Variants in TRMT11 observed in about 807,000 individuals in gnomAD.
TRMT11 encodes the protein tRNA methyltransferase 11, also known as tRNA (guanine(10)-N(2))-methyltransferase TRMT11.
A neutral mutation model predicts 62.8 loss-of-function variants in TRMT11; 53 were observed. The ratio of observed to expected loss-of-function variants is 0.84; its 90% CI spans 0.68 to 1.06. TRMT11 has a LOEUF of 1.06. TRMT11 is among the 50% of genes least tolerant of loss of function. The pLI, the probability that TRMT11 is intolerant of heterozygous loss-of-function variation, is 0.00. For synonymous variants in TRMT11, 188 were observed against 190.3 expected, an observed-to-expected ratio of 0.99 and a Z score of 0.10; for missense variants, 556 against 553.4, an observed-to-expected ratio of 1.00 and a Z score of -0.05.
chr6:126,260,972 C>A, the TRMT11 span, among the ~76,000 whole-genome samples: 1 of 152,178 alleles, frequency 6.6e-6, no homozygotes, highest in Non-Finnish European at 1.5e-5. Flanking sequence ...TGTATATCTT[C>A]CAATATGTGG....
chr6:126,090,103 A>G (rs1368268431), intron 17 of TRMT11, among the ~76,000 whole-genome samples: 3 of 152,072 alleles, frequency 2.0e-5, no homozygotes, highest in Non-Finnish European at 4.4e-5. Context: ...TCTTTCCCTT[A>G]TTGAATTCTT....
the TRMT11 span, chr6:126,258,043 C>A: frequency 7.6e-7 from 1 of 1,312,478 alleles, no homozygotes; most frequent in Non-Finnish European, 1.1e-6. Flanking sequence ...GCAGCCTGGG[C>A]ATCCTCACTC....
the TRMT11 span, among the ~76,000 whole-genome samples, chr6:126,233,330 A>AT: frequency 6.6e-6 from 1 of 152,196 alleles, no homozygotes; most frequent in African/African-American, 2.4e-5. Context: ...GCTCTGGGAA[A>AT]TTACCAGGGC....
intron 17 of TRMT11, among the ~76,000 whole-genome samples, chr6:126,053,749 A>G (rs1776286614): frequency 6.6e-6 from 1 of 152,002 alleles, no homozygotes; most frequent in Non-Finnish European, 1.5e-5. Context: ...TTTCAATTAA[A>G]ATTGTCTTGT....
chr6:126,213,830 T>G, the TRMT11 span, among the ~76,000 whole-genome samples: 1 of 152,056 alleles, frequency 6.6e-6, no homozygotes, highest in Non-Finnish European at 1.5e-5. Context: ...TATTCCAGAT[T>G]TTAGAGAAAA....
the TRMT11 span, among the ~76,000 whole-genome samples, chr6:126,271,677 T>C: frequency 1.3e-5 from 2 of 152,164 alleles, no homozygotes; most frequent in Admixed American, 6.5e-5. Context: ...CATAAAACAT[T>C]GGGCATTCAG....
the TRMT11 span, among the ~76,000 whole-genome samples, chr6:126,230,550 G>T: frequency 2.0e-5 from 3 of 152,238 alleles, no homozygotes; most frequent in Admixed American, 1.3e-4. Flanking sequence ...TGTTCTCTAT[G>T]CATCTTATTT....
chr6:126,251,585 A>T, the TRMT11 span, among the ~76,000 whole-genome samples: 4 of 152,184 alleles, frequency 2.6e-5, no homozygotes, highest in Admixed American at 2.0e-4. Flanking sequence ...CCTCCTGTCA[A>T]ACTGAGATTT....
intron 21 of TRMT11, among the ~76,000 whole-genome samples, chr6:126,156,469 C>T (rs1778123063): frequency 6.6e-6 from 1 of 152,252 alleles, no homozygotes; most frequent in Admixed American, 6.5e-5. Context: ...TTCACTCCTG[C>T]AGTCTGTGCA....
chr6:126,118,589 G>A (rs1777615350), intron 21 of TRMT11, among the ~76,000 whole-genome samples: 1 of 152,046 alleles, frequency 6.6e-6, no homozygotes, highest in Non-Finnish European at 1.5e-5. Context: ...GGAGATGGAA[G>A]AATTTACTTT....
At chr6:126,145,329 T>C (rs1354581599) in intron 21 of TRMT11, among the ~76,000 whole-genome samples, 1 of 151,818 alleles carries the variant, frequency 6.6e-6, no homozygotes, top group African/African-American at 2.4e-5. Flanking sequence ...AGGAGGGAAG[T>C]AGAAAAAGAA....
intron 17 of TRMT11, among the ~76,000 whole-genome samples, chr6:126,092,953 C>T (rs1190619470): frequency 1.3e-5 from 2 of 152,138 alleles, no homozygotes. Flanking sequence ...GAATTCTTAG[C>T]TTATTTCAAT....
At chr6:126,207,108 T>A (rs563464089), downstream of TRMT11, among the ~76,000 whole-genome samples, 4 of 152,310 alleles carry the variant, frequency 2.6e-5, no homozygotes, top group South Asian at 8.3e-4. Flanking sequence ...TCGAATTGAA[T>A]GATTCTGGTA....
chr6:126,065,007 T>C (rs571555770), intron 17 of TRMT11, among the ~76,000 whole-genome samples: 1 of 152,256 alleles, frequency 6.6e-6, no homozygotes, highest in African/African-American at 2.4e-5. Context: ...CCAGGCAGCG[T>C]TGGTGATCCT....
intron 21 of TRMT11, among the ~76,000 whole-genome samples, chr6:126,130,516 A>G (rs1307830333): frequency 6.6e-6 from 1 of 152,096 alleles, no homozygotes; most frequent in African/African-American, 2.4e-5. Context: ...GTGTGCTCCA[A>G]TGTGCCTGGA....
chr6:126,145,482 C>A (rs188399106), intron 21 of TRMT11, among the ~76,000 whole-genome samples: 1 of 152,116 alleles, frequency 6.6e-6, no homozygotes, highest in African/African-American at 2.4e-5. Flanking sequence ...AGCCAACTTT[C>A]CATTTAGCGC....
intron 21 of TRMT11, among the ~76,000 whole-genome samples, chr6:126,148,794 C>G (rs1305331331): frequency 1.3e-5 from 2 of 152,110 alleles, no homozygotes; most frequent in Non-Finnish European, 1.5e-5. Flanking sequence ...TTATCAATAT[C>G]TTAACATTAT....
intron 17 of TRMT11, among the ~76,000 whole-genome samples, chr6:126,067,812 T>A (rs1776733965): frequency 6.6e-6 from 1 of 152,204 alleles, no homozygotes; most frequent in Non-Finnish European, 1.5e-5. Flanking sequence ...TCAGGAGTGG[T>A]TAAGAGTTTT....
chr6:126,146,735 C>A (rs1369115536), intron 21 of TRMT11, among the ~76,000 whole-genome samples: 2 of 152,242 alleles, frequency 1.3e-5, no homozygotes, highest in African/African-American at 4.8e-5. Flanking sequence ...CCAGGCTGGT[C>A]TTGAACTCTT....
Sources: allele counts gnomAD v4.1 joint callset (sites outside exome capture counted in the v4.1 genomes callset), GRCh38; gene constraint gnomAD v4.1.1; transcripts MANE v1.5; gene names NCBI Gene and HGNC (gene_info 2026-07-23, HGNC 2026-07-21).